PEX5: variants seen among roughly 807,000 people sequenced by gnomAD.
PEX5 encodes peroxisomal biogenesis factor 5, also known as PTS1 receptor.
Under a neutral mutation model 82.9 loss-of-function variants are expected in PEX5, and 52 were observed. The ratio of observed to expected loss-of-function variants is 0.63; its 90% CI spans 0.50 to 0.79. The LOEUF is 0.79. PEX5 is among the 30% of genes least tolerant of loss of function. PEX5 has a pLI of 0.00. For missense variants in PEX5, 719 were observed against 815.2 expected (o/e 0.88, Z 1.44); for synonymous variants, 300 against 318.8 (o/e 0.94, Z 0.63).
intron 10 of PEX5, 123 bp from the exon 11 acceptor site, chr12:7,207,536 G>A: frequency 1.1e-6 from 1 of 918,040 alleles, no homozygotes; most frequent in Non-Finnish European, 1.8e-6. Context: ...GAATTTGCCA[G>A]CAATTAATTC....
In PEX5 at chr12:7,208,614, G is replaced by T; in HGVS notation, c.1339G>T (p.Ala447Ser). Residue 447 changes from alanine (A) to serine (S), a missense_variant, in exon 13 of 16, where the codon GCT becomes TCT. Coordinates refer to ENST00000675855, the MANE Select transcript of PEX5 (RefSeq NM_001351132.2). The stretch of plus-strand genomic sequence containing the variant: ...TCTGGTGACACCTGCTGAAGAAGGG[G>T]CTGGTGGGGCAGGACTGGGCCCCAG... ...AHLVTPAEEGAGGAGLGPSKR... is the reference protein window; with the variant it reads ...AHLVTPAEEGSGGAGLGPSKR... The T allele has an allele frequency of 6.2e-7, 1 of 1,614,158 alleles. No individual in the cohort carries two copies. The highest frequency in any genetic ancestry group is 8.5e-7 in the Non-Finnish European group (1 of 1,180,028).
At position 7,201,838 on chromosome 12, in the gene PEX5, T is replaced by C. The variant is rs1426289810; in HGVS notation, c.639T>C (p.Ser213=). 1.9e-6 allele frequency: 3 copies of C among 1,609,388 alleles called. No individual in the cohort carries two copies. Among genetic ancestry groups the C allele is most frequent in the South Asian group, 2.2e-5 (2 of 90,990 alleles). The change falls in exon 7 of 16, where the codon TCT becomes TCC. Residue 213 remains serine (S), a synonymous_variant. Coordinates refer to ENST00000675855, the MANE Select transcript of PEX5 (RefSeq NM_001351132.2). ...AKVDDPKLAN[S]EFLKFVRQIG... is the part of the protein sequence containing the mutation. ...TGGATGACCCCAAATTGGCTAATTC[T>C]GAGGTGAGCCACATCCCTCTGCTGC...
At chr12:7,200,139 G>A (rs78964892) in intron 6 of PEX5, among the ~76,000 whole-genome samples, 45,527 of 121,422 alleles carry the variant, frequency 0.37, 12,327 homozygotes, top group Admixed American at 0.59. Flanking sequence ...CAGACGGGGC[G>A]GCTGCCGGGC....
intron 10 of PEX5, among the ~76,000 whole-genome samples, chr12:7,204,342 G>T (rs1944498841): frequency 6.6e-6 from 1 of 152,226 alleles, no homozygotes; most frequent in African/African-American, 2.4e-5. Flanking sequence ...GCTGGAACCA[G>T]GGCCTGAGAT....
chr12:7,203,262 G>C (rs1367081860), intron 9 of PEX5, among the ~76,000 whole-genome samples, 170 bp from the exon 10 acceptor site: 1 of 91,368 alleles, frequency 1.1e-5, no homozygotes, highest in Non-Finnish European at 2.7e-5. Context: ...TACTAAATCA[G>C]TATCTGGGGA....
intron 7 of PEX5, 49 bp downstream of exon 7, chr12:7,201,890 G>A (rs763562955): frequency 1.5e-6 from 2 of 1,363,714 alleles, no homozygotes; most frequent in Non-Finnish European, 2.1e-6. Context: ...GGTTTTGGAA[G>A]GCAAGAATCT....
rs139537802 is a variant in PEX5, at chr12:7,197,853, T to C, written c.449-1158T>C. ...AATGCAAATTGGAGTTAGTAGGTTC[T>C]CAACAAGAGAGTGGAGTTCCCCCTT... On this transcript the variant is annotated intron_variant, in intron 5 of 15. Coordinates refer to ENST00000675855, the MANE Select transcript of PEX5 (RefSeq NM_001351132.2). 2.6e-3 allele frequency among the ~76,000 whole-genome samples: 403 copies of C among 152,298 alleles called. 1 individual carries two copies. Among genetic ancestry groups the C allele is most frequent in the Admixed American group, 5.2e-3 (79 of 15,284 alleles).
chr12:7,203,810 C>A (rs1198195587), intron 10 of PEX5, among the ~76,000 whole-genome samples: 1 of 152,200 alleles, frequency 6.6e-6, no homozygotes, highest in African/African-American at 2.4e-5. Flanking sequence ...TTTGCACATG[C>A]TTGCTGCATT....
downstream of PEX5, among the ~76,000 whole-genome samples, chr12:7,214,876 GTAT>G: frequency 6.6e-6 from 1 of 151,996 alleles, no homozygotes; most frequent in Middle Eastern, 3.4e-3. Context: ...AATGATATCA[GTAT>G]TATATTAGTC....
intron 6 of PEX5, among the ~76,000 whole-genome samples, chr12:7,199,414 G>A (rs1943337411): frequency 6.8e-6 from 1 of 147,840 alleles, no homozygotes; most frequent in Admixed American, 6.8e-5. Flanking sequence ...CTCTTAAAGA[G>A]CATGCTGCCT....
chr12:7,209,121 A>G lies in PEX5; in HGVS notation c.1511A>G (p.Tyr504Cys), dbSNP rs1418951323. The G allele has an allele frequency of 1.2e-6, 2 of 1,614,040 alleles. No individual in the cohort carries two copies. The highest frequency in any genetic ancestry group is 2.2e-5 in the East Asian group (1 of 44,862). Reference sequence around the variant, plus strand: ...GTCCTTTTCAACCTGAGTGGGGAGTATGACAAGGCCGTGGACTGCTTCACA... The same window carrying G: ...GTCCTTTTCAACCTGAGTGGGGAGTGTGACAAGGCCGTGGACTGCTTCACA... ...LGVLFNLSGEYDKAVDCFTAA... is the reference protein window; with the variant it reads ...LGVLFNLSGECDKAVDCFTAA... Residue 504 changes from tyrosine to cysteine, a missense_variant, in exon 14 of 16, where the codon TAT becomes TGT. By Grantham distance (194) the Tyr-to-Cys change is radical (BLOSUM62 -2). Transcript: ENST00000675855.
intron 4 of PEX5, 22 bp from the exon 5 acceptor site, chr12:7,191,546 GT>G (rs980299667): frequency 6.2e-7 from 1 of 1,613,398 alleles, no homozygotes; most frequent in African/African-American, 1.3e-5. Flanking sequence ...TTCTTTCTTA[GT>G]TTTCTCTCTC....
In PEX5 at chr12:7,189,719, C is replaced by T. The variant is rs894514473; in HGVS notation, c.-48C>T. On this transcript the variant is annotated 5_prime_UTR_variant, in exon 1 of 16. Coordinates refer to ENST00000675855, the MANE Select transcript of PEX5 (RefSeq NM_001351132.2). Reference sequence around the variant, plus strand: ...CCCTCCCCCAAGCCAGCACCTGGTGCCCCGGCGGGTCGTGCGGCGCGGCGC... The same window carrying T: ...CCCTCCCCCAAGCCAGCACCTGGTGTCCCGGCGGGTCGTGCGGCGCGGCGC... 2.6e-5 allele frequency: 10 copies of T among 381,992 alleles called. No homozygotes were observed. In the East Asian group the frequency reaches 3.2e-4, roughly 12 times the overall value. The allele number at this position is 381,992 out of a possible 1,614,324, so 23.7% of individuals were successfully genotyped here.
chr12:7,200,761 G>A (rs1181610328), intron 6 of PEX5, among the ~76,000 whole-genome samples: 9 of 151,992 alleles, frequency 5.9e-5, no homozygotes, highest in African/African-American at 1.9e-4. Context: ...ATGGCGGCGC[G>A]TGCCTGCAAT....
At chr12:7,206,896 A>G (rs898803811) in intron 10 of PEX5, among the ~76,000 whole-genome samples, 5 of 152,200 alleles carry the variant, frequency 3.3e-5, no homozygotes, top group African/African-American at 1.2e-4. Context: ...CAGATTTTGC[A>G]GCTTACTAGT....
At chr12:7,216,388 G>GTATT (rs767726604), downstream of PEX5, among the ~76,000 whole-genome samples, 11 of 152,214 alleles carry the variant, frequency 7.2e-5, no homozygotes, top group Non-Finnish European at 1.6e-4. Context: ...ATTTAATCTA[G>GTATT]TATTTTAGAA....
chr12:7,213,571 C>T (rs1011103391), downstream of PEX5, among the ~76,000 whole-genome samples: 49 of 147,470 alleles, frequency 3.3e-4, no homozygotes, highest in East Asian at 7.4e-3. Flanking sequence ...ATACAAAAAT[C>T]AATTCAAGAT....
chr12:7,211,673 G>A (rs141515943), downstream of PEX5, among the ~76,000 whole-genome samples: 13 of 152,252 alleles, frequency 8.5e-5, no homozygotes, highest in East Asian at 1.4e-3. Context: ...AAGAGATGTC[G>A]ATAATCATGA....
chr12:7,201,618 G>A, intron 6 of PEX5, 133 bp from the exon 7 acceptor site: 1 of 729,244 alleles, frequency 1.4e-6, no homozygotes, highest in South Asian at 1.5e-5. Flanking sequence ...AATGCAAATT[G>A]GAGTTTGTAG....
Sources: allele counts gnomAD v4.1 joint callset (sites outside exome capture counted in the v4.1 genomes callset), GRCh38; gene constraint gnomAD v4.1.1; transcripts MANE v1.5; gene names NCBI Gene and HGNC (gene_info 2026-07-23, HGNC 2026-07-21).